Variants in MCPH1 observed in about 807,000 individuals in gnomAD.
MCPH1 encodes microcephalin.
In MCPH1, 104 loss-of-function variants were observed where a neutral mutation model predicts 84.5. The observed-to-expected ratio is 1.23, with a 90% confidence interval of 1.05 to 1.45. The LOEUF (loss-of-function observed/expected upper bound fraction) is 1.45. Ranked by LOEUF, MCPH1 falls within the 40% of genes most tolerant of loss-of-function variation. MCPH1 has a pLI of 0.00. For missense variants in MCPH1, 1,498 were observed against 1,005.7 expected (o/e 1.49, Z -6.62); for synonymous variants, 514 against 366.8 (o/e 1.40, Z -4.58).
At chr8:6,509,829 CAG>C (rs1814606155) in intron 12 of MCPH1, among the ~76,000 whole-genome samples, 1 of 152,198 alleles carries the variant, frequency 6.6e-6, no homozygotes, top group Non-Finnish European at 1.5e-5. Flanking sequence ...CACAGTCAGA[CAG>C]AGCCATTTGG....
chr8:6,556,733 C>T (rs1824677779), intron 12 of MCPH1, among the ~76,000 whole-genome samples: 1 of 152,130 alleles, frequency 6.6e-6, no homozygotes, highest in South Asian at 2.1e-4. Flanking sequence ...CCCACCTCAG[C>T]CTCCCAAGTA....
chr8:6,528,572 C>G (rs1456732909), intron 12 of MCPH1, among the ~76,000 whole-genome samples: 1 of 152,240 alleles, frequency 6.6e-6, no homozygotes, highest in East Asian at 1.9e-4. Flanking sequence ...GAGTGTGAAG[C>G]GGAGCCTCAG....
Position 6,420,173 on chromosome 8 carries a change from C to G in MCPH1, c.233+5290C>G, listed in dbSNP as rs550860952. On this transcript the variant is annotated intron_variant, in intron 3 of 13. Transcript: ENST00000344683. ...ATTGGTTCAAGGGCTGCCACTCCCC[C>G]CAGAACTGATGTTTTTCAGAGCCTG... is the stretch of plus-strand genomic sequence containing the variant. Among the ~76,000 whole-genome samples, 11 of 152,122 alleles carry G rather than the reference C, an allele frequency of 7.2e-5. No individual in the cohort carries two copies. In the South Asian group the frequency reaches 1.7e-3, roughly 23 times the overall value.
chr8:6,563,072 T>C lies in MCPH1; in HGVS notation c.2215-58382T>C, dbSNP rs1825805025. On this transcript the variant is annotated intron_variant, in intron 12 of 13. Coordinates refer to ENST00000344683, the MANE Select transcript of MCPH1 (RefSeq NM_024596.5). The stretch of plus-strand genomic sequence containing the variant: ...CCGTCAATGAAAGTCTTCTCTTTCC[T>C]CTTTTTCCAGTAGCAAACCTGGTTT... 1.2e-5 allele frequency: 11 copies of C among 944,760 alleles called. No homozygotes were observed. In the South Asian group the frequency reaches 1.8e-4, roughly 16 times the overall value. 58.5% of individuals were successfully genotyped at this position (944,760 alleles called of 1,614,324 possible).
intron 12 of MCPH1, among the ~76,000 whole-genome samples, chr8:6,568,099 C>T (rs956302514): frequency 2.0e-5 from 3 of 152,200 alleles, no homozygotes; most frequent in Admixed American, 2.0e-4. Context: ...CCATAGCTAC[C>T]TACTCCCAGA....
intron 10 of MCPH1, among the ~76,000 whole-genome samples, chr8:6,480,422 G>C (rs1237598700): frequency 2.0e-5 from 3 of 152,138 alleles, no homozygotes; most frequent in African/African-American, 7.2e-5. Flanking sequence ...CCCAGCCAGG[G>C]GCCTGGTTTC....
intron 12 of MCPH1, among the ~76,000 whole-genome samples, chr8:6,530,566 C>T (rs1439528654): frequency 1.4e-5 from 1 of 73,676 alleles, no homozygotes; most frequent in Non-Finnish European, 3.3e-5. Context: ...TTTGGTCCAA[C>T]CTAATAATTC....
At chr8:6,627,142 C>G (rs1796794459) in intron 13 of MCPH1, 18 of 984,746 alleles carry the variant, frequency 1.8e-5, no homozygotes, top group African/African-American at 7.0e-5. Flanking sequence ...CCCCTAATGA[C>G]TGACTGACCA....
At chr8:6,485,358 T>A (rs1368774488) in intron 11 of MCPH1, among the ~76,000 whole-genome samples, 1 of 151,918 alleles carries the variant, frequency 6.6e-6, no homozygotes, top group Non-Finnish European at 1.5e-5. Context: ...ATATCTAACG[T>A]GCTTTCCAAA....
chr8:6,513,671 C>G (rs1047400577), intron 12 of MCPH1: 2 of 1,603,682 alleles, frequency 1.2e-6, no homozygotes, highest in Non-Finnish European at 1.7e-6. Flanking sequence ...ACCATGAACT[C>G]ACTTACCTAT....
chr8:6,489,356 G>T (rs896415302), intron 11 of MCPH1, among the ~76,000 whole-genome samples: 1 of 152,038 alleles, frequency 6.6e-6, no homozygotes, highest in Non-Finnish European at 1.5e-5. Flanking sequence ...CTAGCAACCT[G>T]GGGGAGACAC....
chr8:6,487,307 G>A (rs373293882), intron 11 of MCPH1, among the ~76,000 whole-genome samples: 1 of 152,198 alleles, frequency 6.6e-6, no homozygotes, highest in Admixed American at 6.5e-5. Context: ...TTAGTAAGCA[G>A]TGAGTCAGAT....
At chr8:6,549,350 G>C (rs1238617507) in intron 12 of MCPH1, among the ~76,000 whole-genome samples, 2 of 152,248 alleles carry the variant, frequency 1.3e-5, no homozygotes, top group Non-Finnish European at 2.9e-5. Flanking sequence ...CCAAAAAGGA[G>C]TATGTACTGA....
At chr8:6,626,840 G>T in intron 13 of MCPH1, 1 of 985,120 alleles carries the variant, frequency 1.0e-6, no homozygotes, top group South Asian at 4.7e-5. Context: ...CCCTGCTGCT[G>T]TTATCACGAA....
At chr8:6,585,208 G>T (rs1331890770) in intron 12 of MCPH1, among the ~76,000 whole-genome samples, 1 of 152,234 alleles carries the variant, frequency 6.6e-6, no homozygotes, top group Admixed American at 6.5e-5. Flanking sequence ...CTCCCAGTGG[G>T]TACTCCACGG....
chr8:6,621,743 G>A (rs1387726422), intron 13 of MCPH1, 52 bp downstream of exon 13: 1 of 1,612,762 alleles, frequency 6.2e-7, no homozygotes, highest in South Asian at 1.1e-5. Context: ...CTGTGGACAG[G>A]TTTCCAGGGA....
At chr8:6,615,695 A>G (rs1830718406) in intron 12 of MCPH1, 1 of 152,252 alleles carries the variant, frequency 6.6e-6, no homozygotes. Flanking sequence ...AAACACACAT[A>G]TAGATTAGCG....
At chr8:6,593,643 T>C (rs1362506739) in intron 12 of MCPH1, among the ~76,000 whole-genome samples, 1 of 152,216 alleles carries the variant, frequency 6.6e-6, no homozygotes, top group Non-Finnish European at 1.5e-5. Context: ...TGTGAACCCC[T>C]ACAGCTGACC....
chr8:6,533,569 C>CTTTTTT (rs56882906), intron 12 of MCPH1, among the ~76,000 whole-genome samples: 8 of 113,328 alleles, frequency 7.1e-5, no homozygotes, highest in Admixed American at 9.8e-5. Flanking sequence ...CGTTTAGTTT[C>CTTTTTT]TTTTTTTTTT....
Sources: allele counts gnomAD v4.1 joint callset (sites outside exome capture counted in the v4.1 genomes callset), GRCh38; gene constraint gnomAD v4.1.1; transcripts MANE v1.5; gene names NCBI Gene and HGNC (gene_info 2026-07-23, HGNC 2026-07-21).